ITGA9: variants seen among roughly 807,000 people sequenced by gnomAD.
The protein encoded by ITGA9 is integrin subunit alpha 9.
A neutral mutation model predicts 127.8 loss-of-function variants in ITGA9; 56 were observed. The ratio of observed to expected loss-of-function variants is 0.44; its 90% CI spans 0.35 to 0.55. ITGA9 has a LOEUF of 0.55. Among genes scored for constraint, ITGA9 ranks in the 20% least tolerant of loss-of-function variants. ITGA9 has a pLI of 0.00. For missense variants in ITGA9, 1,196 were observed against 1,347.1 expected (o/e 0.89, Z 1.76); for synonymous variants, 508 against 514.5 (o/e 0.99, Z 0.17).
chr3:37,525,236 G>A (rs1168790095), intron 12 of ITGA9, among the ~76,000 whole-genome samples: 1 of 152,048 alleles, frequency 6.6e-6, no homozygotes, highest in African/African-American at 2.4e-5. Flanking sequence ...AGTTAAACCA[G>A]GGTCTTGGTT....
At chr3:37,800,265 T>C (rs1422393231) in intron 26 of ITGA9, among the ~76,000 whole-genome samples, 1 of 152,212 alleles carries the variant, frequency 6.6e-6, no homozygotes. Flanking sequence ...GTTTTACAGC[T>C]AACCCCGCTG....
chr3:37,476,724 C>T (rs1279090638), intron 3 of ITGA9, among the ~76,000 whole-genome samples: 1 of 152,152 alleles, frequency 6.6e-6, no homozygotes, highest in Non-Finnish European at 1.5e-5. Flanking sequence ...ACAAGCTGAG[C>T]ATCTTTTGTG....
intron 15 of ITGA9, among the ~76,000 whole-genome samples, chr3:37,596,733 A>T (rs184058726): frequency 2.6e-5 from 4 of 152,294 alleles, no homozygotes; most frequent in Admixed American, 2.0e-4. Flanking sequence ...CCAGCGGAGG[A>T]GACCTTGTTC....
At chr3:37,598,777 T>C (rs945031306) in intron 15 of ITGA9, among the ~76,000 whole-genome samples, 9 of 152,140 alleles carry the variant, frequency 5.9e-5, no homozygotes, top group African/African-American at 2.2e-4. Flanking sequence ...AGGAAGCAAC[T>C]GAAGTAGGGG....
intron 14 of ITGA9, among the ~76,000 whole-genome samples, chr3:37,538,235 G>T (rs191798012): frequency 1.3e-5 from 2 of 152,360 alleles, no homozygotes; most frequent in Admixed American, 1.3e-4. Flanking sequence ...CTGAAATCTT[G>T]TTCTGACGGA....
rs1441281440 is a variant in ITGA9, at chr3:37,597,005, C to T, written c.1690-32182C>T. On this transcript the variant is annotated intron_variant, in intron 15 of 27. Coordinates refer to ENST00000264741, the MANE Select transcript of ITGA9 (RefSeq NM_002207.3). This position sits in a 1 kb window ranked among gnomAD's most constrained non-coding sequence, Gnocchi z 4.6. The stretch of plus-strand genomic sequence containing the variant: ...TCCTCCCCTCAAAAGGTGTTCTAAG[C>T]AGCTGCTGGGAAAGGGGGTGAGAGG... 6.6e-6 allele frequency among the ~76,000 whole-genome samples: 1 copy of T among 152,196 alleles called. No individual in the cohort carries two copies. The highest frequency in any genetic ancestry group is 1.5e-5 in the Non-Finnish European group (1 of 68,034).
chr3:37,743,438 C>T lies in ITGA9; in HGVS notation c.2325-488C>T, dbSNP rs1403729376. 5.9e-5 allele frequency among the ~76,000 whole-genome samples: 9 copies of T among 152,180 alleles called. No homozygotes were observed. The South Asian group carries it at 6.2e-4, about 10-fold the overall frequency. ...TCCAAGGGAAAATGCTATCAATGAACGGATTCAGCTTTCAAATGCCTAACT... is the reference window on the plus strand; with the variant it reads ...TCCAAGGGAAAATGCTATCAATGAATGGATTCAGCTTTCAAATGCCTAACT... On this transcript the variant is annotated intron_variant, in intron 21 of 27. Transcript: ENST00000264741.
intron 18 of ITGA9, among the ~76,000 whole-genome samples, chr3:37,699,290 T>C (rs61225593): frequency 0.035 from 5,332 of 152,250 alleles, 217 homozygotes; most frequent in South Asian, 0.14. Flanking sequence ...AAATTGCCTG[T>C]TTGGCCTCTC....
chr3:37,724,031 G>A (rs1220512347), intron 18 of ITGA9, among the ~76,000 whole-genome samples: 7 of 152,204 alleles, frequency 4.6e-5, no homozygotes, highest in Admixed American at 4.6e-4. Flanking sequence ...GCAGAGGATG[G>A]AAGTTCTTCA....
In ITGA9 at chr3:37,822,138, T is replaced by C. The variant is rs1575255761; in HGVS notation, c.*3149T>C. 2.0e-5 allele frequency: 3 copies of C among 152,180 alleles called. No individual in the cohort carries two copies. The highest frequency in any genetic ancestry group is 2.0e-4 in the Admixed American group (3 of 15,278). The allele number at this position is 152,180 out of a possible 1,614,324, so 9.4% of individuals were successfully genotyped here. On this transcript the variant is annotated 3_prime_UTR_variant, in exon 28 of 28. Transcript: ENST00000264741. ...AGTATGTTCTACTTTCTCCCCTTCCTGCTTCCATGGTTTCACTGTGGAATC... is the reference window on the plus strand; with the variant it reads ...AGTATGTTCTACTTTCTCCCCTTCCCGCTTCCATGGTTTCACTGTGGAATC...
At chr3:37,542,273 C>T (rs1241537690) in intron 14 of ITGA9, 152 bp from the exon 15 acceptor site, 1 of 813,476 alleles carries the variant, frequency 1.2e-6, no homozygotes, top group East Asian at 2.5e-5. Context: ...GTGCTGCTTT[C>T]TGAGCAAGTC....
chr3:37,635,926 C>G (rs961377251), intron 16 of ITGA9, among the ~76,000 whole-genome samples: 2 of 151,772 alleles, frequency 1.3e-5, no homozygotes, highest in African/African-American at 4.9e-5. Flanking sequence ...ATGATGGTTT[C>G]CAGTTTCATC....
chr3:37,751,502 C>CT (rs969232839), intron 23 of ITGA9, among the ~76,000 whole-genome samples: 6 of 151,496 alleles, frequency 4.0e-5, no homozygotes, highest in East Asian at 1.9e-4. Context: ...TTGCAGGAGC[C>CT]TTTTTTTTTC....
At chr3:37,716,998 T>G (rs893268783) in intron 18 of ITGA9, among the ~76,000 whole-genome samples, 4 of 152,212 alleles carry the variant, frequency 2.6e-5, no homozygotes, top group Non-Finnish European at 5.9e-5. Flanking sequence ...GCATCGGGCT[T>G]TTCTTTGATG....
At chr3:37,591,401 C>T (rs567702258) in intron 15 of ITGA9, among the ~76,000 whole-genome samples, 1 of 152,284 alleles carries the variant, frequency 6.6e-6, no homozygotes, top group South Asian at 2.1e-4. Context: ...TAGTGTACCC[C>T]ACCCTTAGCC....
intron 27 of ITGA9, among the ~76,000 whole-genome samples, chr3:37,817,084 T>G (rs1697444052): frequency 6.6e-6 from 1 of 152,186 alleles, no homozygotes; most frequent in Admixed American, 6.5e-5. Context: ...CAGGGGAGCT[T>G]ATGACCATCA....
intron 17 of ITGA9, among the ~76,000 whole-genome samples, chr3:37,679,072 A>G (rs1700710390): frequency 6.6e-6 from 1 of 152,152 alleles, no homozygotes; most frequent in Non-Finnish European, 1.5e-5. Context: ...GGCTATATAT[A>G]TGCTGTAAGA....
At chr3:37,817,978 C>T (rs1182398919) in intron 27 of ITGA9, among the ~76,000 whole-genome samples, 1 of 152,046 alleles carries the variant, frequency 6.6e-6, no homozygotes, top group Admixed American at 6.6e-5. Flanking sequence ...ATGTAAATGA[C>T]AGCAAGGTAG....
chr3:37,784,540 A>G (rs1697015777), intron 25 of ITGA9, among the ~76,000 whole-genome samples: 3 of 152,214 alleles, frequency 2.0e-5, no homozygotes, highest in Admixed American at 2.0e-4. Context: ...ACTCATATGA[A>G]GGGTTTGAGG....
Sources: gnomAD v4.1 joint callset for allele counts (sites outside exome capture counted in the v4.1 genomes callset) on GRCh38, gnomAD v4.1.1 for gene constraint, Gnocchi (gnomAD v3.1) non-coding constraint, MANE v1.5 for transcripts, NCBI Gene and HGNC (gene_info 2026-07-23, HGNC 2026-07-21) for gene names.